Variants in PRELID2 observed in about 807,000 individuals in gnomAD.
PRELID2 encodes PRELI domain-containing protein 2.
Under a neutral mutation model 28.4 loss-of-function variants are expected in PRELID2, and 25 were observed. The observed-to-expected ratio is 0.88, with a 90% CI of 0.64 to 1.23. The LOEUF (loss-of-function observed/expected upper bound fraction) is 1.23. Among genes scored for constraint, PRELID2 ranks in the 50% most tolerant of loss-of-function variants. The probability of loss-of-function intolerance (pLI) is 0.00; values close to 1 mark genes in which losing one functional copy is unlikely to be tolerated. For missense variants in PRELID2, 201 were observed against 214.4 expected (o/e 0.94, Z 0.39); for synonymous variants, 76 against 71.6 (o/e 1.06, Z -0.31).
At chr5:145,746,579 T>C (rs1756996498) in intron 1 of PRELID2, among the ~76,000 whole-genome samples, 1 of 152,108 alleles carries the variant, frequency 6.6e-6, no homozygotes, top group Non-Finnish European at 1.5e-5. Context: ...CACACAATAA[T>C]AGTGGGAGCC....
chr5:145,584,463 A>G (rs1355600687), intron 1 of PRELID2, among the ~76,000 whole-genome samples: 1 of 152,270 alleles, frequency 6.6e-6, no homozygotes. Context: ...GAGCTTCTGT[A>G]CAGCAAAAGA....
intron 1 of PRELID2, among the ~76,000 whole-genome samples, chr5:145,504,387 T>G (rs1174841571): frequency 1.3e-5 from 2 of 152,186 alleles, no homozygotes; most frequent in South Asian, 2.1e-4. Context: ...AGCTACTAAT[T>G]TCCTTAACTA....
chr5:145,367,101 T>G, the PRELID2 span, among the ~76,000 whole-genome samples: 2 of 151,778 alleles, frequency 1.3e-5, no homozygotes, highest in African/African-American at 4.8e-5. Context: ...ATGTTTCCTC[T>G]GTCTGCACTT....
intron 5 of PRELID2, among the ~76,000 whole-genome samples, chr5:145,772,401 CT>C (rs914011203): frequency 6.6e-6 from 1 of 152,056 alleles, no homozygotes; most frequent in Middle Eastern, 3.2e-3. Context: ...CTGTGTTGTG[CT>C]GCTGTAACAG....
intron 1 of PRELID2, among the ~76,000 whole-genome samples, chr5:145,648,937 G>A (rs2149669310): frequency 6.6e-6 from 1 of 152,016 alleles, no homozygotes; most frequent in African/African-American, 2.4e-5. Context: ...TTATGATGCT[G>A]TGAGAGTGAT....
intron 4 of PRELID2, among the ~76,000 whole-genome samples, chr5:145,798,313 C>T (rs1030687817): frequency 4.6e-5 from 7 of 152,060 alleles, no homozygotes; most frequent in African/African-American, 7.2e-5. Context: ...AGAGTGAGTG[C>T]CTATTTGAAG....
the PRELID2 span, among the ~76,000 whole-genome samples, chr5:145,299,761 T>C: frequency 3.6e-3 from 551 of 152,072 alleles, 1 homozygote; most frequent in African/African-American, 0.012. Context: ...AATAATTTCA[T>C]TGGGGACTGC....
chr5:145,415,820 C>T, the PRELID2 span, among the ~76,000 whole-genome samples: 2 of 151,240 alleles, frequency 1.3e-5, no homozygotes, highest in Non-Finnish European at 3.0e-5. Context: ...TGGGTCAAAT[C>T]GTATTTCTAG....
intron 1 of PRELID2, among the ~76,000 whole-genome samples, chr5:145,743,448 G>C (rs1484995671): frequency 6.8e-6 from 1 of 147,398 alleles, no homozygotes; most frequent in Non-Finnish European, 1.5e-5. Flanking sequence ...AAAGAGAAAA[G>C]GAAACAACCA....
At chr5:145,633,510 T>C (rs915643786) in intron 1 of PRELID2, among the ~76,000 whole-genome samples, 2 of 152,184 alleles carry the variant, frequency 1.3e-5, no homozygotes, top group African/African-American at 4.8e-5. Flanking sequence ...GAGAATAAGC[T>C]ACATGTCTTC....
intron 1 of PRELID2, among the ~76,000 whole-genome samples, chr5:145,622,132 G>C (rs1753782166): frequency 6.6e-6 from 1 of 152,134 alleles, no homozygotes. Flanking sequence ...AAGCTTTAGA[G>C]ACAGAAAACA....
At chr5:145,625,298 A>T (rs1300287963) in intron 1 of PRELID2, among the ~76,000 whole-genome samples, 2 of 152,138 alleles carry the variant, frequency 1.3e-5, no homozygotes, top group Admixed American at 1.3e-4. Context: ...TACAGCAAAA[A>T]TCTACAAACA....
At chr5:145,636,727 A>C (rs1754007813) in intron 1 of PRELID2, among the ~76,000 whole-genome samples, 1 of 152,208 alleles carries the variant, frequency 6.6e-6, no homozygotes, top group Admixed American at 6.5e-5. Context: ...TCAGAGTTTC[A>C]CCACTTAAAC....
the PRELID2 span, among the ~76,000 whole-genome samples, chr5:145,276,733 T>C: frequency 1.3e-5 from 2 of 152,128 alleles, no homozygotes; most frequent in Non-Finnish European, 2.9e-5. Flanking sequence ...TATCTGACAG[T>C]ATGGTTGCAT....
chr5:145,812,021 C>G (rs572893055), intron 4 of PRELID2, among the ~76,000 whole-genome samples: 1 of 152,278 alleles, frequency 6.6e-6, no homozygotes, highest in African/African-American at 2.4e-5. Context: ...ATGACCTCAT[C>G]CCCAGCTCCA....
chr5:145,606,415 G>T (rs1345819814), intron 1 of PRELID2, among the ~76,000 whole-genome samples: 1 of 151,984 alleles, frequency 6.6e-6, no homozygotes, highest in Non-Finnish European at 1.5e-5. Flanking sequence ...TGTCATGGAT[G>T]GCTCTTATTA....
chr5:145,733,685 T>G (rs1394302030), intron 1 of PRELID2, among the ~76,000 whole-genome samples: 1 of 152,194 alleles, frequency 6.6e-6, no homozygotes, highest in African/African-American at 2.4e-5. Context: ...TTTTTTCAAT[T>G]TAACTTAATG....
At chr5:145,341,655 C>A in the PRELID2 span, among the ~76,000 whole-genome samples, 15 of 149,216 alleles carry the variant, frequency 1.0e-4, no homozygotes, top group Non-Finnish European at 1.9e-4. Flanking sequence ...TACATAAAAT[C>A]AAGCTAAGAA....
intron 1 of PRELID2, among the ~76,000 whole-genome samples, chr5:145,520,774 G>A (rs953802068): frequency 6.6e-6 from 1 of 152,034 alleles, no homozygotes; most frequent in Non-Finnish European, 1.5e-5. Flanking sequence ...AGCAGACAAG[G>A]ATTGCCTGTT....
Sources: gnomAD v4.1 joint callset for allele counts (sites outside exome capture counted in the v4.1 genomes callset) on GRCh38, gnomAD v4.1.1 for gene constraint, MANE v1.5 for transcripts, NCBI Gene and HGNC (gene_info 2026-07-23, HGNC 2026-07-21) for gene names.